Variants in ATRN observed in about 807,000 individuals in gnomAD.
ATRN encodes the protein attractin-2.
ATRN carries 54 observed loss-of-function variants against 178.7 expected under a neutral mutation model. The observed-to-expected ratio is 0.30, with a 90% CI of 0.24 to 0.38. The LOEUF (loss-of-function observed/expected upper bound fraction) is 0.38, where lower values mean the gene tolerates loss of function less well. Among genes scored for constraint, ATRN ranks in the 10% least tolerant of loss-of-function variants. The probability of loss-of-function intolerance (pLI) is 1.00; values close to 1 mark genes in which losing one functional copy is unlikely to be tolerated. For synonymous variants in ATRN, 636 were observed against 663.0 expected (o/e 0.96, Z 0.63); for missense variants, 1,443 against 1,815.1 (o/e 0.79, Z 3.73).
intron 15 of ATRN, among the ~76,000 whole-genome samples, chr20:3,581,006 C>T (rs1288442578): frequency 6.6e-6 from 1 of 152,106 alleles, no homozygotes. Flanking sequence ...TTTTGGGAGG[C>T]CAGTGAGGGA....
chr20:3,556,706 T>C (rs235583), intron 6 of ATRN, among the ~76,000 whole-genome samples: 130,560 of 152,252 alleles, frequency 0.86, 56,397 homozygotes, highest in East Asian at 1. Context: ...GCATTTATCT[T>C]GTACTTTTTT....
chr20:3,615,899 G>C (rs937932717), intron 24 of ATRN: 6 of 444,166 alleles, frequency 1.4e-5, no homozygotes, highest in East Asian at 7.2e-5. Flanking sequence ...GTTGTGGGGT[G>C]GGGGGAAGGG....
rs1320935565 is a variant in ATRN at position 3,650,760 on chromosome 20, T to A, written c.*3913T>A. ...ATTCTAAACACTAGTGAAGCCTGTT[T>A]CGTTGAACTAATTCTGGCTCTGGAA... On this transcript the variant is annotated 3_prime_UTR_variant, in exon 29 of 29. Coordinates refer to ENST00000262919, the MANE Select transcript of ATRN (RefSeq NM_139321.3). The A allele has an allele frequency of 6.7e-6, 1 of 149,252 alleles. No individual in the cohort carries two copies. The highest frequency in any genetic ancestry group is 1.5e-5 in the Non-Finnish European group (1 of 66,084). The allele number at this position is 149,252 out of a possible 1,614,324, so 9.2% of individuals were successfully genotyped here.
chr20:3,624,106 C>T (rs2086917846), intron 24 of ATRN, among the ~76,000 whole-genome samples: 1 of 152,072 alleles, frequency 6.6e-6, no homozygotes, highest in African/African-American at 2.4e-5. Context: ...AAATGTTGAC[C>T]AAATGAAGAG....
intron 21 of ATRN, among the ~76,000 whole-genome samples, chr20:3,597,662 T>C (rs1200548489): frequency 6.6e-6 from 1 of 152,232 alleles, no homozygotes; most frequent in Non-Finnish European, 1.5e-5. Flanking sequence ...CAGATAATTA[T>C]GGACGTTACT....
intron 6 of ATRN, among the ~76,000 whole-genome samples, chr20:3,554,716 T>G (rs1429806112): frequency 1.3e-5 from 2 of 152,126 alleles, no homozygotes; most frequent in Non-Finnish European, 2.9e-5. Context: ...CTCACAGTCC[T>G]GTTAACGCAA....
Position 3,534,945 on chromosome 20 carries a change from A to G in ATRN, c.411-308A>G, listed in dbSNP as rs2085503630. On this transcript the variant is annotated intron_variant, in intron 1 of 28. Transcript: ENST00000262919. ...AACATAGCGAGACCTGTCTTTACCA[A>G]AAGGAAAAAGGATGACATAAAATTA... Among the ~76,000 whole-genome samples, 4 of 152,192 alleles carry G rather than the reference A, an allele frequency of 2.6e-5. No individual in the cohort carries two copies. The South Asian group carries it at 8.3e-4, about 31-fold the overall frequency.
rs774421466 is a variant in ATRN at position 3,634,399 on chromosome 20, A to C, written c.3942+10A>C. 6.2e-6 allele frequency: 10 copies of C among 1,609,692 alleles called. No homozygotes were observed. In the South Asian group the frequency reaches 9.9e-5, roughly 16 times the overall value. On this transcript the variant is annotated intron_variant, in intron 26 of 28. Coordinates refer to ENST00000262919, the MANE Select transcript of ATRN (RefSeq NM_139321.3). The stretch of plus-strand genomic sequence containing the variant: ...CTCCAGACGTAGAGAGGTAAGCTTC[A>C]GTGGGTAAAGATTAAAGAATCCCTG...
chr20:3,471,405 G>T lies in ATRN; in HGVS notation c.298G>T (p.Glu100Ter). 1 of 1,489,742 alleles carries T rather than the reference G, an allele frequency of 6.7e-7. No individual in the cohort carries two copies. The highest frequency in any genetic ancestry group is 8.9e-7 in the Non-Finnish European group (1 of 1,127,934). The allele number at this position is 1,489,742 out of a possible 1,614,324, so 92.3% of individuals were successfully genotyped here. A position where few individuals can be genotyped will look rare whatever the true frequency, so the allele number is the denominator to read the frequency against. Residue 100 changes from glutamate to a stop codon, truncating the protein, a stop_gained, in exon 1 of 29, where the codon GAA becomes TAA. Coordinates refer to ENST00000262919, the MANE Select transcript of ATRN (RefSeq NM_139321.3). LOFTEE classifies it high-confidence loss of function. The part of the protein sequence containing the change: ...VSGSAAAEAK[E>*]CDRPCVNGGR... ...GGGCTCAGCCGCAGCCGAGGCCAAG[G>T]AATGTGACCGGCCCTGTGTCAACGG...
chr20:3,584,328 A>C (rs1263524396), intron 17 of ATRN, among the ~76,000 whole-genome samples: 1 of 152,190 alleles, frequency 6.6e-6, no homozygotes, highest in South Asian at 2.1e-4. Flanking sequence ...AACTTGTCCA[A>C]CTTCAGTGTC....
chr20:3,635,411 C>G (rs1373989655), intron 26 of ATRN, among the ~76,000 whole-genome samples: 1 of 145,964 alleles, frequency 6.9e-6, no homozygotes, highest in Non-Finnish European at 1.5e-5. Flanking sequence ...AAAATAACCA[C>G]CATTAAAATA....
intron 17 of ATRN, 110 bp downstream of exon 17, chr20:3,584,193 C>A (rs2086322610): frequency 1.6e-6 from 2 of 1,216,356 alleles, no homozygotes; most frequent in East Asian, 4.7e-5. Flanking sequence ...CAAGACTGGA[C>A]ATGACCTCTG....
chr20:3,595,175 C>A (rs978293639), intron 20 of ATRN, among the ~76,000 whole-genome samples: 1 of 152,240 alleles, frequency 6.6e-6, no homozygotes, highest in South Asian at 2.1e-4. Flanking sequence ...ACTGTTCCCC[C>A]CATCTGTCAG....
chr20:3,545,777 T>C lies in ATRN; in HGVS notation c.624T>C (p.Pro208=). 1 of 1,614,036 alleles carries C rather than the reference T, an allele frequency of 6.2e-7. No individual in the cohort carries two copies. The change falls in exon 4 of 29, where the codon CCT becomes CCC. Residue 208 remains proline (P), a synonymous_variant. Transcript: ENST00000262919. The part of the protein sequence containing the change: ...LVAAFSGLIV[P]ERDGNETVPE... ...TTCATTTCAGTGGCCTCATTGTTCCTGAGAGAGATGGCAATGAGACTGTCC... is the reference window on the plus strand; with the variant it reads ...TTCATTTCAGTGGCCTCATTGTTCCCGAGAGAGATGGCAATGAGACTGTCC...
chr20:3,612,577 C>A (rs758158041), intron 24 of ATRN, among the ~76,000 whole-genome samples: 2 of 151,992 alleles, frequency 1.3e-5, no homozygotes, highest in African/African-American at 2.4e-5. Context: ...TTCTCCGATC[C>A]GAAAGAGGTT....
intron 11 of ATRN, among the ~76,000 whole-genome samples, chr20:3,566,987 A>G (rs1316401069): frequency 6.6e-6 from 1 of 151,630 alleles, no homozygotes; most frequent in Non-Finnish European, 1.5e-5. Context: ...ACAATTTAGG[A>G]ACTAGCTACT....
chr20:3,601,878 A>G (rs986706217), intron 23 of ATRN, among the ~76,000 whole-genome samples: 10 of 151,750 alleles, frequency 6.6e-5, no homozygotes, highest in Non-Finnish European at 1.2e-4. Context: ...AAAAAAAAAA[A>G]AAAAAAAAGA....
chr20:3,544,949 T>C (rs926228156), intron 3 of ATRN, among the ~76,000 whole-genome samples: 3 of 152,174 alleles, frequency 2.0e-5, no homozygotes, highest in African/African-American at 4.8e-5. Flanking sequence ...GCGTTAAGTT[T>C]TATTTGTAAA....
chr20:3,575,594 C>G (rs967731441), intron 12 of ATRN, among the ~76,000 whole-genome samples: 1 of 152,124 alleles, frequency 6.6e-6, no homozygotes, highest in Non-Finnish European at 1.5e-5. Flanking sequence ...TTAAATTAAC[C>G]TATCCTTGTT....
Sources: allele counts gnomAD v4.1 joint callset (sites outside exome capture counted in the v4.1 genomes callset), GRCh38; gene constraint gnomAD v4.1.1; transcripts MANE v1.5; gene names NCBI Gene and HGNC (gene_info 2026-07-23, HGNC 2026-07-21).